The following PPM1H variants were observed in gnomAD, a reference collection of about 807,000 sequenced individuals.
PPM1H encodes protein phosphatase 1H.
PPM1H carries 27 observed loss-of-function variants against 54.9 expected under a neutral mutation model. The ratio of observed to expected loss-of-function variants is 0.49; its 90% CI spans 0.36 to 0.68. The LOEUF is 0.68. Ranked by LOEUF, PPM1H falls within the 30% of genes least tolerant of loss-of-function variation. The pLI is 0.00. For missense variants in PPM1H, 596 were observed against 667.8 expected, an observed-to-expected ratio of 0.89 and a Z score of 1.19; for synonymous variants, 305 against 270.8, an observed-to-expected ratio of 1.13 and a Z score of -1.24.
intron 1 of PPM1H, among the ~76,000 whole-genome samples, chr12:62,931,098 G>T (rs1415344206): frequency 6.6e-6 from 1 of 152,124 alleles, no homozygotes; most frequent in African/African-American, 2.4e-5. Context: ...CAAAAGATTA[G>T]ACCATTTCTC....
chr12:62,825,882 TAA>T (rs60892289), intron 2 of PPM1H, among the ~76,000 whole-genome samples: 21 of 141,566 alleles, frequency 1.5e-4, no homozygotes, highest in Non-Finnish European at 2.8e-4. Flanking sequence ...TAAAGTATAA[TAA>T]AAAAAAAATA....
At chr12:62,918,971 C>T (rs188549998) in intron 1 of PPM1H, among the ~76,000 whole-genome samples, 239 of 152,336 alleles carry the variant, frequency 1.6e-3, no homozygotes, top group Non-Finnish European at 2.6e-3. Flanking sequence ...CCTTCCTCCA[C>T]TTTGACAGGT....
chr12:62,931,284 A>G (rs530334603), intron 1 of PPM1H, among the ~76,000 whole-genome samples: 20 of 152,282 alleles, frequency 1.3e-4, no homozygotes, highest in Admixed American at 5.2e-4. Flanking sequence ...CCACAATTTG[A>G]GCAATCTTCC....
chr12:62,887,910 A>G (rs531679255), intron 1 of PPM1H, among the ~76,000 whole-genome samples: 1 of 152,304 alleles, frequency 6.6e-6, no homozygotes, highest in South Asian at 2.1e-4. Context: ...GAGAACAGAA[A>G]TGAAGCCAGG....
chr12:62,784,345 C>T lies in PPM1H; in HGVS notation c.869+3881G>A, dbSNP rs571090241. Among the ~76,000 whole-genome samples the T allele has an allele frequency of 2.5e-4, 38 of 152,284 alleles. 1 individual carries two copies. Among genetic ancestry groups the T allele is most frequent in the Admixed American group, 1.3e-4 (2 of 15,298 alleles). ...CCACAAACAGCATCAGGCAACATTT[C>T]CTGAATACAACCCCTAAGTGTGCAG... On this transcript the variant is annotated intron_variant, in intron 4 of 9. Coordinates refer to ENST00000228705, the MANE Select transcript of PPM1H (RefSeq NM_020700.2).
chr12:62,714,952 A>G (rs61919555), intron 6 of PPM1H, among the ~76,000 whole-genome samples: 1 of 152,140 alleles, frequency 6.6e-6, no homozygotes, highest in African/African-American at 2.4e-5. Context: ...GTGAAGTTTC[A>G]GCCCCCTCCC....
chr12:62,649,139 GA>G, intron 9 of PPM1H, among the ~76,000 whole-genome samples: 1 of 151,064 alleles, frequency 6.6e-6, no homozygotes, highest in Non-Finnish European at 1.5e-5. Context: ...GTGAGTTAAG[GA>G]AAAATGTTAA....
chr12:62,779,125 C>A (rs367852263), intron 4 of PPM1H, among the ~76,000 whole-genome samples: 1 of 152,068 alleles, frequency 6.6e-6, no homozygotes, highest in Non-Finnish European at 1.5e-5. Context: ...GCAACTTCCA[C>A]CTCCCGAGTT....
intron 5 of PPM1H, among the ~76,000 whole-genome samples, chr12:62,729,090 G>C (rs2120494715): frequency 6.6e-6 from 1 of 152,304 alleles, no homozygotes; most frequent in South Asian, 2.1e-4. Context: ...CCAGGGACTA[G>C]GGGTTTGGGG....
chr12:62,698,100 TA>T (rs35267464), intron 6 of PPM1H, among the ~76,000 whole-genome samples: 14 of 148,320 alleles, frequency 9.4e-5, no homozygotes, highest in East Asian at 2.0e-4. Context: ...TGCAAAGCTG[TA>T]AAAAAAAAAG....
At chr12:62,740,821 T>A (rs769661526) in intron 4 of PPM1H, among the ~76,000 whole-genome samples, 1 of 152,188 alleles carries the variant, frequency 6.6e-6, no homozygotes, top group African/African-American at 2.4e-5. Flanking sequence ...ACACCAAATG[T>A]GAAGTCCTTC....
intron 6 of PPM1H, among the ~76,000 whole-genome samples, chr12:62,700,865 T>C (rs767487230): frequency 2.0e-5 from 3 of 152,202 alleles, no homozygotes; most frequent in African/African-American, 7.2e-5. Flanking sequence ...AGTAACCAGA[T>C]GGTCTTCTTT....
Position 62,914,283 on chromosome 12 carries a change from A to G in PPM1H, c.245+20209T>C, listed in dbSNP as rs542388141. On this transcript the variant is annotated intron_variant, in intron 1 of 9. Transcript: ENST00000228705. ...CACATGCTGGCTGTCCTTTGCCTTC[A>G]ACCATGAGTGGAAGCAGCCAGAGGC... Among the ~76,000 whole-genome samples the G allele has an allele frequency of 5.9e-5, 9 of 152,324 alleles. No individual in the cohort carries two copies. In the South Asian group the frequency reaches 1.9e-3, roughly 32 times the overall value.
chr12:62,834,168 TG>T (rs1868430834), intron 1 of PPM1H, among the ~76,000 whole-genome samples: 1 of 152,200 alleles, frequency 6.6e-6, no homozygotes, highest in East Asian at 1.9e-4. Flanking sequence ...ATTGTTGTCC[TG>T]GGGCTTGTCA....
intron 4 of PPM1H, among the ~76,000 whole-genome samples, chr12:62,763,081 G>T (rs1431727511): frequency 6.6e-6 from 1 of 152,186 alleles, no homozygotes. Context: ...TGGTCCCGAA[G>T]TCCCCAAGCA....
intron 1 of PPM1H, among the ~76,000 whole-genome samples, chr12:62,906,815 T>G (rs552711270): frequency 6.6e-6 from 1 of 152,344 alleles, no homozygotes; most frequent in African/African-American, 2.4e-5. Flanking sequence ...TGAACTACAA[T>G]AGAACCTGGC....
At chr12:62,789,715 C>T (rs2076692998) in intron 3 of PPM1H, among the ~76,000 whole-genome samples, 1 of 152,148 alleles carries the variant, frequency 6.6e-6, no homozygotes, top group African/African-American at 2.4e-5. Flanking sequence ...GGTAGCCTGC[C>T]CATATTTACC....
In PPM1H at chr12:62,803,183, G is replaced by A. The variant is rs577841692; in HGVS notation, c.412-1023C>T. The stretch of plus-strand genomic sequence containing the variant: ...TAGTTCTCCAGCTGATGTCACTCTC[G>A]GTCTCTCCATTCCTTCTTCTTGCCT... On this transcript the variant is annotated intron_variant, in intron 2 of 9. Transcript: ENST00000228705. Among the ~76,000 whole-genome samples, 28 of 152,086 alleles carry A rather than the reference G, an allele frequency of 1.8e-4. No homozygotes were observed. The East Asian group carries it at 3.9e-3, about 21-fold the overall frequency.
intron 5 of PPM1H, among the ~76,000 whole-genome samples, chr12:62,724,545 G>T (rs1433812834): frequency 3.3e-5 from 5 of 152,206 alleles, no homozygotes; most frequent in Non-Finnish European, 7.3e-5. Flanking sequence ...CTCTCCCTCT[G>T]AGGATGTGCA....
Sources: allele counts gnomAD v4.1 joint callset (sites outside exome capture counted in the v4.1 genomes callset), GRCh38; gene constraint gnomAD v4.1.1; transcripts MANE v1.5; gene names NCBI Gene and HGNC (gene_info 2026-07-23, HGNC 2026-07-21).